SNX29: variants seen among roughly 807,000 people sequenced by gnomAD.
SNX29 encodes the protein sorting nexin 29.
SNX29 carries 78 observed loss-of-function variants against 102.1 expected under a neutral mutation model. The ratio of observed to expected loss-of-function variants is 0.76; its 90% CI spans 0.64 to 0.92. The LOEUF (loss-of-function observed/expected upper bound fraction) is 0.92, where lower values mean the gene tolerates loss of function less well. Among genes scored for constraint, SNX29 ranks in the 40% least tolerant of loss-of-function variants. The pLI, the probability that SNX29 is intolerant of heterozygous loss-of-function variation, is 0.00. For synonymous variants in SNX29, 580 were observed against 414.5 expected (o/e 1.40, Z -4.85); for missense variants, 1,280 against 1,061.7 (o/e 1.21, Z -2.86).
chr16:12,274,944 C>G (rs868161435), intron 14 of SNX29, among the ~76,000 whole-genome samples: 3 of 152,176 alleles, frequency 2.0e-5, no homozygotes, highest in Admixed American at 6.5e-5. Context: ...CCTCCTCTCT[C>G]TCTGGAAATA....
intron 20 of SNX29, among the ~76,000 whole-genome samples, chr16:12,555,988 G>GTT (rs577174159): frequency 2.6e-4 from 39 of 151,954 alleles, no homozygotes; most frequent in Non-Finnish European, 3.4e-4. Context: ...ATTTTCAAGT[G>GTT]TTTTTTTTGT....
At chr16:12,346,819 A>G (rs1395930267) in intron 15 of SNX29, among the ~76,000 whole-genome samples, 2 of 152,056 alleles carry the variant, frequency 1.3e-5, no homozygotes, top group African/African-American at 4.8e-5. Flanking sequence ...GGGCCAGGAG[A>G]GCATCATTGT....
intron 20 of SNX29, among the ~76,000 whole-genome samples, chr16:12,539,363 C>T (rs543986993): frequency 1.7e-4 from 26 of 152,116 alleles, no homozygotes; most frequent in Admixed American, 1.2e-3. Context: ...ATACTGTAAG[C>T]AACCTCTTGA....
chr16:12,494,810 G>C lies in SNX29; in HGVS notation c.2178+16951G>C, dbSNP rs189266421. The stretch of plus-strand genomic sequence containing the variant: ...TGTCACAGAGGAGCCTTTGATGCTG[G>C]CTCTTAGCTCTCCGCTGTGAGCTGG... On this transcript the variant is annotated intron_variant, in intron 19 of 20. Transcript: ENST00000566228. Among the ~76,000 whole-genome samples the C allele has an allele frequency of 1.1e-4, 17 of 152,296 alleles. No individual in the cohort carries two copies. In the East Asian group the frequency reaches 3.3e-3, roughly 29 times the overall value.
intron 20 of SNX29, among the ~76,000 whole-genome samples, chr16:12,541,429 T>C (rs946850617): frequency 6.6e-6 from 1 of 152,092 alleles, no homozygotes; most frequent in African/African-American, 2.4e-5. Context: ...TCATGGAAGG[T>C]CATCAATGTC....
chr16:12,571,688 G>C lies in SNX29; in HGVS notation c.*3059G>C, dbSNP rs2079191023. The stretch of plus-strand genomic sequence containing the variant: ...GGGCTGGGCAGAGGTGTCTCTCCTT[G>C]AGAGACAACAAAAGCTTCTAAGGGA... On this transcript the variant is annotated 3_prime_UTR_variant, in exon 21 of 21. Coordinates refer to ENST00000566228, the MANE Select transcript of SNX29 (RefSeq NM_032167.5). The C allele has an allele frequency of 2.9e-6, 3 of 1,026,308 alleles. No homozygotes were observed. The highest frequency in any genetic ancestry group is 2.3e-6 in the Non-Finnish European group (2 of 858,512). The allele number at this position is 1,026,308 out of a possible 1,614,324, so 63.6% of individuals were successfully genotyped here. A position where few individuals can be genotyped will look rare whatever the true frequency, so the allele number is the denominator to read the frequency against.
chr16:12,388,140 C>T (rs1004074792), intron 16 of SNX29, among the ~76,000 whole-genome samples: 5 of 152,284 alleles, frequency 3.3e-5, no homozygotes, highest in Admixed American at 6.5e-5. Context: ...TTCCTTCTTT[C>T]GGAGGAGATG....
At chr16:12,319,745 G>A (rs1378468675) in intron 15 of SNX29, among the ~76,000 whole-genome samples, 1 of 151,086 alleles carries the variant, frequency 6.6e-6, no homozygotes, top group Non-Finnish European at 1.5e-5. Flanking sequence ...TGTGCCCAGA[G>A]CAGCTCAGCC....
chr16:12,263,388 A>G (rs535645023), intron 14 of SNX29, among the ~76,000 whole-genome samples: 51 of 152,286 alleles, frequency 3.3e-4, no homozygotes, highest in African/African-American at 1.2e-3. Flanking sequence ...TTGGCCTACA[A>G]AAGTGCTGGA....
intron 16 of SNX29, among the ~76,000 whole-genome samples, chr16:12,393,158 G>T (rs2083590601): frequency 1.3e-5 from 2 of 152,308 alleles, no homozygotes; most frequent in South Asian, 4.1e-4. Context: ...TTCATGATTG[G>T]AACAAAGGTT....
Position 12,004,597 on chromosome 16 carries a change from A to G in SNX29, c.122+1554A>G, listed in dbSNP as rs753853573. 7.2e-5 allele frequency among the ~76,000 whole-genome samples: 11 copies of G among 152,076 alleles called. No individual in the cohort carries two copies. The East Asian group carries it at 1.4e-3, about 19-fold the overall frequency. On this transcript the variant is annotated intron_variant, in intron 3 of 20. Transcript: ENST00000566228. ...AAAGGGAAGGGAACTTGCTTGCTCA[A>G]TGTTCATCTCATCCTGGAAACTGTT...
intron 13 of SNX29, among the ~76,000 whole-genome samples, chr16:12,139,123 A>G (rs1026755473): frequency 7.1e-5 from 10 of 141,826 alleles, no homozygotes; most frequent in African/African-American, 2.1e-4. Context: ...ACTTGGGCCC[A>G]GGAGGCAGAG....
At chr16:12,388,169 G>T (rs142166763) in intron 16 of SNX29, among the ~76,000 whole-genome samples, 2 of 152,094 alleles carry the variant, frequency 1.3e-5, no homozygotes, top group Non-Finnish European at 2.9e-5. Flanking sequence ...TTCTTTTTCC[G>T]CACCCATGTT....
chr16:12,099,432 G>C (rs1373189108), intron 11 of SNX29, among the ~76,000 whole-genome samples: 1 of 152,226 alleles, frequency 6.6e-6, no homozygotes. Flanking sequence ...GGAAGGGCCA[G>C]TGAGTTGGTG....
chr16:12,043,174 G>C (rs190188372), intron 5 of SNX29, 97 bp downstream of exon 5: 37 of 1,467,382 alleles, frequency 2.5e-5, no homozygotes, highest in Non-Finnish European at 3.2e-5. Context: ...CTAGTTCCCC[G>C]ATCTGGGGGA....
chr16:12,265,266 T>G (rs2078891933), intron 14 of SNX29, among the ~76,000 whole-genome samples: 1 of 152,182 alleles, frequency 6.6e-6, no homozygotes, highest in Non-Finnish European at 1.5e-5. Context: ...TGCTTTTCAC[T>G]TGGGGGGGAG....
intron 14 of SNX29, among the ~76,000 whole-genome samples, chr16:12,205,724 T>A (rs753604953): frequency 1.3e-5 from 2 of 152,232 alleles, no homozygotes; most frequent in African/African-American, 2.4e-5. Flanking sequence ...CGACTTTTCA[T>A]CACAGCACTT....
At chr16:12,117,427 G>A (rs112959026) in intron 11 of SNX29, among the ~76,000 whole-genome samples, 12 of 137,490 alleles carry the variant, frequency 8.7e-5, no homozygotes, top group South Asian at 2.4e-4. Flanking sequence ...CGGACGAACC[G>A]TGGAAACAGG....
chr16:12,239,105 GAA>G, intron 14 of SNX29, among the ~76,000 whole-genome samples: 1 of 152,242 alleles, frequency 6.6e-6, no homozygotes, highest in Admixed American at 6.5e-5. Flanking sequence ...AGGGGCGTGT[GAA>G]GTGTAGTCTT....
Sources: allele counts gnomAD v4.1 joint callset (sites outside exome capture counted in the v4.1 genomes callset), GRCh38; gene constraint gnomAD v4.1.1; transcripts MANE v1.5; gene names NCBI Gene and HGNC (gene_info 2026-07-23, HGNC 2026-07-21).